Variants in FAM135B observed in about 807,000 individuals in gnomAD.
The protein encoded by FAM135B is family with sequence similarity 135 member B.
Under a neutral mutation model 127.7 loss-of-function variants are expected in FAM135B, and 43 were observed. The observed-to-expected ratio is 0.34, with a 90% confidence interval of 0.26 to 0.43. The LOEUF (loss-of-function observed/expected upper bound fraction) is 0.43. Among genes scored for constraint, FAM135B ranks in the 20% least tolerant of loss-of-function variants. FAM135B has a pLI of 1.00. For synonymous variants in FAM135B, 670 were observed against 665.1 expected (o/e 1.01, Z -0.11); for missense variants, 1,558 against 1,725.6 (o/e 0.90, Z 1.72).
chr8:138,164,485 G>A (rs528840339), intron 12 of FAM135B, among the ~76,000 whole-genome samples: 17 of 152,278 alleles, frequency 1.1e-4, no homozygotes, highest in Non-Finnish European at 5.9e-5. Flanking sequence ...AAATCACTAA[G>A]CTAAAGGGAA....
At chr8:138,279,848 C>G (rs1279950145) in intron 3 of FAM135B, among the ~76,000 whole-genome samples, 1 of 152,086 alleles carries the variant, frequency 6.6e-6, no homozygotes, top group African/African-American at 2.4e-5. Flanking sequence ...TGAGTCTCTT[C>G]CCTGTGACCT....
chr8:138,252,324 C>T lies in FAM135B; in HGVS notation c.369-1310G>A, dbSNP rs146371764. On this transcript the variant is annotated intron_variant, in intron 5 of 19. Transcript: ENST00000395297. ...TAAAGCCAACAAGAGTTAATCAAAG[C>T]CACAAGGCAAAAATGTAATCTTGGA... is the stretch of plus-strand genomic sequence containing the variant. Among the ~76,000 whole-genome samples, 213 of 152,274 alleles carry T rather than the reference C, an allele frequency of 1.4e-3. 1 individual carries two copies. The highest frequency in any genetic ancestry group is 4.8e-3 in the African/African-American group (198 of 41,546).
At chr8:138,299,108 T>TAAAA (rs869147679) in intron 3 of FAM135B, among the ~76,000 whole-genome samples, 93 of 139,812 alleles carry the variant, frequency 6.7e-4, no homozygotes, top group African/African-American at 1.9e-3. Flanking sequence ...AATAAATAAA[T>TAAAA]AAAATAAAAA....
chr8:138,182,991 C>A (rs1815212766), intron 9 of FAM135B, among the ~76,000 whole-genome samples: 1 of 152,122 alleles, frequency 6.6e-6, no homozygotes. Context: ...CATCTTCATC[C>A]AGAATCCCTC....
chr8:138,427,273 T>TTATATATA (rs34227349), intron 1 of FAM135B, among the ~76,000 whole-genome samples: 1 of 146,318 alleles, frequency 6.8e-6, no homozygotes, highest in South Asian at 2.1e-4. Context: ...TTCATCAAGA[T>TTATATATA]TATATATATA....
intron 1 of FAM135B, among the ~76,000 whole-genome samples, chr8:138,468,278 C>T (rs1253584635): frequency 6.6e-6 from 1 of 152,164 alleles, no homozygotes; most frequent in Non-Finnish European, 1.5e-5. Context: ...ATTTCCATTC[C>T]TCTAACCCTG....
At chr8:138,190,341 G>T (rs1815996626) in intron 9 of FAM135B, among the ~76,000 whole-genome samples, 1 of 152,172 alleles carries the variant, frequency 6.6e-6, no homozygotes, top group African/African-American at 2.4e-5. Context: ...AGGAATGGTT[G>T]GCTGGACATG....
intron 1 of FAM135B, among the ~76,000 whole-genome samples, chr8:138,453,621 TTA>T (rs1342773208): frequency 1.3e-5 from 2 of 152,060 alleles, no homozygotes; most frequent in Non-Finnish European, 2.9e-5. Flanking sequence ...CCACATACAG[TTA>T]AGGGTCAGGG....
intron 1 of FAM135B, among the ~76,000 whole-genome samples, chr8:138,494,379 A>G (rs1815307479): frequency 6.6e-6 from 1 of 152,222 alleles, no homozygotes; most frequent in East Asian, 1.9e-4. Flanking sequence ...GGCACCTATC[A>G]TTGGGAAGCA....
At chr8:138,266,783 CACACACACAT>C (rs1310093078) in intron 3 of FAM135B, among the ~76,000 whole-genome samples, 2 of 5,166 alleles carry the variant, frequency 3.9e-4, no homozygotes, top group African/African-American at 5.3e-4. Context: ...TATATACACA[CACACACACAT>C]ACACACACAT....
At chr8:138,397,153 G>A (rs1481374192) in intron 1 of FAM135B, among the ~76,000 whole-genome samples, 3 of 152,208 alleles carry the variant, frequency 2.0e-5, no homozygotes, top group Non-Finnish European at 4.4e-5. Flanking sequence ...ACAAGCATCT[G>A]TGAGCCTACG....
At chr8:138,344,052 G>A (rs142536781) in intron 2 of FAM135B, among the ~76,000 whole-genome samples, 4 of 152,320 alleles carry the variant, frequency 2.6e-5, no homozygotes, top group Admixed American at 1.3e-4. Context: ...GGAGGCAGAC[G>A]GAGGCTAGGG....
At chr8:138,199,326 C>T (rs1203880182) in intron 7 of FAM135B, among the ~76,000 whole-genome samples, 1 of 152,206 alleles carries the variant, frequency 6.6e-6, no homozygotes, top group Non-Finnish European at 1.5e-5. Context: ...CCATATACCT[C>T]TGAGACTGTC....
intron 12 of FAM135B, among the ~76,000 whole-genome samples, chr8:138,167,121 C>T (rs889833755): frequency 2.0e-5 from 3 of 152,118 alleles, no homozygotes; most frequent in African/African-American, 4.8e-5. Context: ...AAAAAACACC[C>T]AAGCAGACAG....
At chr8:138,144,395 A>C (rs2130641982) in intron 15 of FAM135B, 1 of 152,352 alleles carries the variant, frequency 6.6e-6, no homozygotes, top group Admixed American at 6.5e-5. Flanking sequence ...TGGGTGACAG[A>C]GCGAGACTCC....
intron 2 of FAM135B, among the ~76,000 whole-genome samples, chr8:138,322,881 G>A (rs747532356): frequency 6.6e-6 from 1 of 152,130 alleles, no homozygotes; most frequent in Non-Finnish European, 1.5e-5. Context: ...GCCCTAGCAG[G>A]AAGGCCTGCA....
At chr8:138,355,416 G>C (rs1043819224) in intron 2 of FAM135B, among the ~76,000 whole-genome samples, 1 of 152,130 alleles carries the variant, frequency 6.6e-6, no homozygotes, top group African/African-American at 2.4e-5. Flanking sequence ...CATGTCCTTT[G>C]TAGGGACATG....
At chr8:138,203,950 C>G (rs1328590238) in intron 7 of FAM135B, among the ~76,000 whole-genome samples, 1 of 152,128 alleles carries the variant, frequency 6.6e-6, no homozygotes, top group Admixed American at 6.5e-5. Flanking sequence ...CAGTTCACAA[C>G]AGGGTTCATG....
At chr8:138,418,963 T>G (rs1834331362) in intron 1 of FAM135B, among the ~76,000 whole-genome samples, 3 of 149,416 alleles carry the variant, frequency 2.0e-5, no homozygotes, top group Admixed American at 6.7e-5. Flanking sequence ...ACATAATAAC[T>G]AGCTAACATA....
Sources: gnomAD v4.1 joint callset for allele counts (sites outside exome capture counted in the v4.1 genomes callset) on GRCh38, gnomAD v4.1.1 for gene constraint, MANE v1.5 for transcripts, NCBI Gene and HGNC (gene_info 2026-07-23, HGNC 2026-07-21) for gene names.